Variants in CADM2 observed in about 807,000 individuals in gnomAD.
CADM2 encodes immunoglobulin superfamily member 4D.
Under a neutral mutation model 49.8 loss-of-function variants are expected in CADM2, and 12 were observed. That is an observed-to-expected ratio of 0.24 (90% confidence interval 0.15 to 0.39). CADM2 has a LOEUF of 0.39. CADM2 is among the 10% of genes least tolerant of loss of function. The pLI, the probability that CADM2 is intolerant of heterozygous loss-of-function variation, is 1.00. For synonymous variants in CADM2, 214 were observed against 175.4 expected (o/e 1.22, Z -1.74); for missense variants, 378 against 492.3 (o/e 0.77, Z 2.20).
chr3:85,813,391 GGTT>G (rs1290393479), intron 3 of CADM2, among the ~76,000 whole-genome samples: 2 of 151,954 alleles, frequency 1.3e-5, no homozygotes, highest in African/African-American at 4.8e-5. Context: ...TTTTTGATGG[GGTT>G]GTTTGTTTTT....
At chr3:85,882,067 A>G (rs1712877391) in intron 3 of CADM2, among the ~76,000 whole-genome samples, 1 of 152,148 alleles carries the variant, frequency 6.6e-6, no homozygotes, top group South Asian at 2.1e-4. Context: ...GTACTGGCCC[A>G]TGGCCTAGGG....
intron 2 of CADM2, among the ~76,000 whole-genome samples, chr3:85,801,429 T>A (rs1383549631): frequency 6.6e-6 from 1 of 152,138 alleles, no homozygotes; most frequent in Non-Finnish European, 1.5e-5. Flanking sequence ...CTAGGATTAA[T>A]AATTTAGAGT....
intron 1 of CADM2, among the ~76,000 whole-genome samples, chr3:85,372,351 A>ATATG (rs1553714910): frequency 1.3e-4 from 19 of 149,520 alleles, no homozygotes; most frequent in African/African-American, 4.7e-4. Flanking sequence ...ATATATATAT[A>ATATG]TGTGTGTGTG....
chr3:85,391,657 G>GCCAA (rs1253913694), intron 1 of CADM2, among the ~76,000 whole-genome samples: 2 of 152,070 alleles, frequency 1.3e-5, no homozygotes, highest in Admixed American at 6.6e-5. Flanking sequence ...TGGCCAAAGT[G>GCCAA]CCAACCAAGC....
In CADM2 at chr3:85,641,824, G is replaced by A. The variant is rs560192484; in HGVS notation, c.62-84698G>A. Among the ~76,000 whole-genome samples the A allele has an allele frequency of 3.6e-3, 543 of 151,848 alleles. 5 individuals are homozygous for A. Among genetic ancestry groups the A allele is most frequent in the Non-Finnish European group, 6.0e-3 (409 of 67,904 alleles). On this transcript the variant is annotated intron_variant, in intron 1 of 9. Transcript: ENST00000383699. ...CAGGCGCCTGTAGTCCCAGCTACTC[G>A]GGAGGCTGAGGCAGAAGAATGGCGT...
chr3:85,125,361 G>C (rs1481659657), intron 1 of CADM2, among the ~76,000 whole-genome samples: 1 of 151,798 alleles, frequency 6.6e-6, no homozygotes, highest in African/African-American at 2.4e-5. Flanking sequence ...AGACATTCGT[G>C]AACTTAGATT....
intron 1 of CADM2, among the ~76,000 whole-genome samples, chr3:85,275,775 AAAT>A (rs1185509198): frequency 1.3e-5 from 2 of 151,070 alleles, no homozygotes; most frequent in African/African-American, 4.8e-5. Flanking sequence ...TATATATATA[AAAT>A]AATAAGTAAA....
intron 1 of CADM2, among the ~76,000 whole-genome samples, chr3:85,600,596 T>C (rs2063363136): frequency 6.6e-6 from 1 of 151,840 alleles, no homozygotes; most frequent in Non-Finnish European, 1.5e-5. Flanking sequence ...GAAGTAAGGA[T>C]GCTGAAACAA....
rs1199245174 is a variant in CADM2 at position 86,068,993 on chromosome 3, A to G, written c.*2210A>G. 2 of 152,094 alleles carry G rather than the reference A, an allele frequency of 1.3e-5. No individual in the cohort carries two copies. The highest frequency in any genetic ancestry group is 3.9e-4 in the East Asian group (2 of 5,188). The allele number at this position is 152,094 out of a possible 1,614,324, so 9.4% of individuals were successfully genotyped here. A position where few individuals can be genotyped will look rare whatever the true frequency, so the allele number is the denominator to read the frequency against. ...AATGCATAATCTTTAGAAAGACTCC[A>G]CAAAGCAAAATTCATCCTGTTAGTA... On this transcript the variant is annotated 3_prime_UTR_variant, in exon 10 of 10. Transcript: ENST00000383699.
intron 1 of CADM2, among the ~76,000 whole-genome samples, chr3:85,108,094 C>A (rs555491795): frequency 6.6e-6 from 1 of 152,236 alleles, no homozygotes; most frequent in East Asian, 1.9e-4. Context: ...TAATTTAAAG[C>A]AGGCACACAA....
Position 85,370,983 on chromosome 3 carries a change from C to G in CADM2, c.62-355539C>G, listed in dbSNP as rs1323766582. Among the ~76,000 whole-genome samples, 3 of 145,316 alleles carry G rather than the reference C, an allele frequency of 2.1e-5. No homozygotes were observed. The East Asian group carries it at 5.9e-4, about 29-fold the overall frequency. On this transcript the variant is annotated intron_variant, in intron 1 of 9. Transcript: ENST00000383699. ...AAAATTGTCGATAGAAATAAGCTTA[C>G]AGAATAAGAATTTTTTTAAAAAAGT...
intron 2 of CADM2, among the ~76,000 whole-genome samples, chr3:85,768,345 C>T (rs1341869938): frequency 1.3e-5 from 2 of 151,788 alleles, no homozygotes; most frequent in South Asian, 4.2e-4. Context: ...ACTTGGGAGG[C>T]TGAGGCAGGA....
At chr3:85,113,037 A>G (rs933085035) in intron 1 of CADM2, among the ~76,000 whole-genome samples, 9 of 151,988 alleles carry the variant, frequency 5.9e-5, no homozygotes, top group East Asian at 5.8e-4. Flanking sequence ...TATAGATAAA[A>G]CTTACACAAA....
At chr3:85,589,354 A>G (rs2107333677) in intron 1 of CADM2, among the ~76,000 whole-genome samples, 1 of 152,110 alleles carries the variant, frequency 6.6e-6, no homozygotes, top group East Asian at 1.9e-4. Context: ...GATTCCTTTC[A>G]TTCCAGAGAG....
chr3:85,055,570 T>C (rs1576126074), intron 1 of CADM2, among the ~76,000 whole-genome samples: 1 of 152,088 alleles, frequency 6.6e-6, no homozygotes. Context: ...TTTGGTAGTA[T>C]GTCCATTATT....
intron 1 of CADM2, among the ~76,000 whole-genome samples, chr3:85,116,675 G>T (rs992277180): frequency 1.3e-5 from 2 of 151,584 alleles, no homozygotes; most frequent in Non-Finnish European, 2.9e-5. Flanking sequence ...TTTTTTCGGT[G>T]CTATAGGCAA....
intron 7 of CADM2, among the ~76,000 whole-genome samples, chr3:85,950,024 ACT>A (rs954019459): frequency 2.6e-5 from 4 of 151,172 alleles, no homozygotes; most frequent in African/African-American, 7.3e-5. Context: ...AGAAATGCAC[ACT>A]CATAATTTTT....
At chr3:85,290,247 G>C (rs891454565) in intron 1 of CADM2, among the ~76,000 whole-genome samples, 1 of 152,114 alleles carries the variant, frequency 6.6e-6, no homozygotes, top group Non-Finnish European at 1.5e-5. Context: ...AAAAAATGGC[G>C]CACCACGAGA....
At chr3:85,804,072 C>T (rs1390934456) in intron 3 of CADM2, among the ~76,000 whole-genome samples, 1 of 152,036 alleles carries the variant, frequency 6.6e-6, no homozygotes, top group Non-Finnish European at 1.5e-5. Flanking sequence ...CAAAGTCACT[C>T]ATAGAGATTA....
Sources: gnomAD v4.1 joint callset for allele counts (sites outside exome capture counted in the v4.1 genomes callset) on GRCh38, gnomAD v4.1.1 for gene constraint, MANE v1.5 for transcripts, NCBI Gene and HGNC (gene_info 2026-07-23, HGNC 2026-07-21) for gene names.